The following SH3RF3 variants were observed in gnomAD, a reference collection of about 807,000 sequenced individuals.
The protein encoded by SH3RF3 is SH3 domain containing ring finger 3, also known as E3 ubiquitin-protein ligase SH3RF3.
Under a neutral mutation model 66.3 loss-of-function variants are expected in SH3RF3, and 29 were observed. The ratio of observed to expected loss-of-function variants is 0.44; its 90% CI spans 0.33 to 0.60. The LOEUF is 0.60. Among genes scored for constraint, SH3RF3 ranks in the 20% least tolerant of loss-of-function variants. The pLI, the probability that SH3RF3 is intolerant of heterozygous loss-of-function variation, is 0.04. For synonymous variants in SH3RF3, 583 were observed against 532.0 expected, an observed-to-expected ratio of 1.10 and a Z score of -1.32; for missense variants, 1,194 against 1,190.9, an observed-to-expected ratio of 1.00 and a Z score of -0.04.
intron 1 of SH3RF3, among the ~76,000 whole-genome samples, chr2:109,332,393 C>A (rs918391542): frequency 1.3e-5 from 2 of 152,170 alleles, no homozygotes; most frequent in African/African-American, 4.8e-5. Context: ...AGCTCTGACA[C>A]TCCCGCGACT....
At chr2:109,149,816 T>C (rs2104865858) in intron 1 of SH3RF3, among the ~76,000 whole-genome samples, 1 of 152,370 alleles carries the variant, frequency 6.6e-6, no homozygotes, top group South Asian at 2.1e-4. Flanking sequence ...GCAGGTATTT[T>C]TGTACTCCAG....
At chr2:109,254,344 G>C (rs1039314775) in intron 1 of SH3RF3, among the ~76,000 whole-genome samples, 6 of 152,144 alleles carry the variant, frequency 3.9e-5, no homozygotes, top group Admixed American at 2.0e-4. Context: ...GTATAATCCT[G>C]TGCAAGTTGG....
chr2:109,230,081 C>T (rs1272483364), intron 1 of SH3RF3, among the ~76,000 whole-genome samples: 3 of 152,068 alleles, frequency 2.0e-5, no homozygotes, highest in African/African-American at 7.2e-5. Flanking sequence ...GCCTCAGCCT[C>T]CCAAAGTGCT....
At position 109,432,646 on chromosome 2, in the gene SH3RF3, G is replaced by C. The variant is rs762001405; in HGVS notation, c.1549G>C (p.Gly517Arg). The C allele has an allele frequency of 6.2e-7, 1 of 1,612,476 alleles. No individual in the cohort carries two copies. Among genetic ancestry groups the C allele is most frequent in the South Asian group, 1.1e-5 (1 of 90,570 alleles). ...GACCGGGGTCTCTGGGGTGTTCCCC[G>C]GAAACTACGTGACACCCGTTTCCAG... ...LRTGVSGVFP[G>R]NYVTPVSRVP... is the part of the protein sequence containing the mutation. Residue 517 changes from glycine to arginine, a missense_variant, in exon 6 of 10, where the codon GGA (glycine) becomes CGA (arginine). Gly to Arg is a moderately radical substitution (Grantham distance 125). Transcript: ENST00000309415.
chr2:109,250,090 CTTTT>C (rs61141462), intron 1 of SH3RF3, among the ~76,000 whole-genome samples: 1 of 134,928 alleles, frequency 7.4e-6, no homozygotes, highest in Non-Finnish European at 1.6e-5. Flanking sequence ...GTAGGTGTTC[CTTTT>C]TTTTTTTTTT....
At chr2:109,227,927 TG>T (rs1423148814) in intron 1 of SH3RF3, among the ~76,000 whole-genome samples, 16 of 152,236 alleles carry the variant, frequency 1.1e-4, no homozygotes, top group South Asian at 2.1e-4. Context: ...TCATTCCTGA[TG>T]TTTCCCAAAC....
intron 4 of SH3RF3, among the ~76,000 whole-genome samples, chr2:109,416,577 G>T (rs888746079): frequency 1.3e-5 from 2 of 151,028 alleles, no homozygotes; most frequent in Admixed American, 1.3e-4. Flanking sequence ...TAGAGACGGG[G>T]TTTCACCATA....
Position 109,203,081 on chromosome 2 carries a change from C to T in SH3RF3, c.573+72968C>T, listed in dbSNP as rs115755427. Reference sequence around the variant, plus strand: ...GCTCCAAAGGCTACAGAAGCTCCGTCGAGCCTGGAACACTGGTGGCCCTGC... The same window carrying T: ...GCTCCAAAGGCTACAGAAGCTCCGTTGAGCCTGGAACACTGGTGGCCCTGC... On this transcript the variant is annotated intron_variant, in intron 1 of 9. Coordinates refer to ENST00000309415, the MANE Select transcript of SH3RF3 (RefSeq NM_001099289.3). Among the ~76,000 whole-genome samples the T allele has an allele frequency of 5.9e-5, 9 of 152,156 alleles. No homozygotes were observed. In the South Asian group the frequency reaches 1.0e-3, roughly 18 times the overall value.
intron 1 of SH3RF3, among the ~76,000 whole-genome samples, chr2:109,173,203 T>C (rs1474646483): frequency 2.0e-5 from 3 of 152,208 alleles, no homozygotes; most frequent in African/African-American, 7.2e-5. Context: ...GACTGAGTCA[T>C]GGTTCTTAGA....
At chr2:109,350,045 C>T (rs1022325643) in intron 2 of SH3RF3, among the ~76,000 whole-genome samples, 13 of 152,240 alleles carry the variant, frequency 8.5e-5, no homozygotes, top group African/African-American at 2.9e-4. Context: ...TCACGAGCTG[C>T]ATCGGATCAC....
intron 1 of SH3RF3, among the ~76,000 whole-genome samples, chr2:109,235,445 A>G (rs764815684): frequency 6.6e-6 from 1 of 152,160 alleles, no homozygotes; most frequent in Non-Finnish European, 1.5e-5. Flanking sequence ...AAATCAGGTT[A>G]CTTTTGAGAG....
At chr2:109,343,341 T>G (rs1273462885) in intron 1 of SH3RF3, among the ~76,000 whole-genome samples, 2 of 152,186 alleles carry the variant, frequency 1.3e-5, no homozygotes, top group Non-Finnish European at 2.9e-5. Context: ...CCAAATAAAC[T>G]GCCTCTCGGC....
At chr2:109,421,648 C>T (rs182465114) in intron 5 of SH3RF3, among the ~76,000 whole-genome samples, 433 of 152,346 alleles carry the variant, frequency 2.8e-3, no homozygotes, top group African/African-American at 8.3e-3. Flanking sequence ...CCTTCTCCCT[C>T]TGGGCTTCTC....
At chr2:109,338,756 C>A (rs890249333) in intron 1 of SH3RF3, among the ~76,000 whole-genome samples, 23 of 152,148 alleles carry the variant, frequency 1.5e-4, no homozygotes, top group Non-Finnish European at 4.4e-5. Context: ...TGGAGTTTCA[C>A]CATGTTGGCC....
At position 109,437,059 on chromosome 2, in the gene SH3RF3, C is replaced by T. The variant is rs755453003; in HGVS notation, c.1741C>T (p.His581Tyr). The T allele has an allele frequency of 5.0e-6, 8 of 1,613,440 alleles. No homozygotes were observed. The highest frequency in any genetic ancestry group is 1.1e-5 in the South Asian group (1 of 91,076). ...CACCACTCCCCAGGCCCACGCCCAG[C>T]ACCCCACAGCCTCGCCCCCAACAGG... is the stretch of plus-strand genomic sequence containing the variant. ...PITTPQAHAQ[H>Y]PTASPPTGSC... is the part of the protein sequence containing the mutation. Residue 581 changes from histidine to tyrosine, a missense_variant, in exon 7 of 10, where the codon CAC becomes TAC. By Grantham distance (83) the His-to-Tyr change is moderately conservative. Coordinates refer to ENST00000309415, the MANE Select transcript of SH3RF3 (RefSeq NM_001099289.3).
chr2:109,446,187 C>T (rs1050279120), intron 7 of SH3RF3, among the ~76,000 whole-genome samples: 2 of 152,206 alleles, frequency 1.3e-5, no homozygotes, highest in Non-Finnish European at 2.9e-5. Flanking sequence ...GTGTCATGAC[C>T]TGAGCTGTGC....
chr2:109,294,308 C>A (rs139621422), intron 1 of SH3RF3, among the ~76,000 whole-genome samples: 1 of 152,006 alleles, frequency 6.6e-6, no homozygotes, highest in African/African-American at 2.4e-5. Context: ...TGCCTGTAAT[C>A]CCAGCACTTT....
At chr2:109,491,760 C>T (rs970382880) in intron 9 of SH3RF3, among the ~76,000 whole-genome samples, 1 of 152,204 alleles carries the variant, frequency 6.6e-6, no homozygotes, top group African/African-American at 2.4e-5. Context: ...TGAGTGCCTA[C>T]ACATTGTAAC....
chr2:109,414,144 A>G (rs1301404154), intron 4 of SH3RF3, among the ~76,000 whole-genome samples: 5 of 152,232 alleles, frequency 3.3e-5, no homozygotes, highest in African/African-American at 7.2e-5. Flanking sequence ...TGTCCCGCAG[A>G]TGGGGCCAGG....
Sources: allele counts gnomAD v4.1 joint callset (sites outside exome capture counted in the v4.1 genomes callset), GRCh38; gene constraint gnomAD v4.1.1; transcripts MANE v1.5; gene names NCBI Gene and HGNC (gene_info 2026-07-23, HGNC 2026-07-21).